ASB5: variants seen among roughly 807,000 people sequenced by gnomAD.
The protein encoded by ASB5 is ankyrin repeat and SOCS box containing 5, also known as ankyrin repeat and SOCS box protein 5.
ASB5 carries 45 observed loss-of-function variants against 42.1 expected under a neutral mutation model. The ratio of observed to expected loss-of-function variants is 1.07; its 90% CI spans 0.84 to 1.37. The LOEUF is 1.37. Among genes scored for constraint, ASB5 ranks in the 40% most tolerant of loss-of-function variants. The probability of loss-of-function intolerance (pLI) is 0.00; values close to 1 mark genes in which losing one functional copy is unlikely to be tolerated. For synonymous variants in ASB5, 147 were observed against 150.6 expected (o/e 0.98, Z 0.18); for missense variants, 402 against 399.8 (o/e 1.01, Z -0.05).
At chr4:176,263,107 T>G (rs1754293866) in intron 1 of ASB5, among the ~76,000 whole-genome samples, 1 of 152,112 alleles carries the variant, frequency 6.6e-6, no homozygotes, top group African/African-American at 2.4e-5. Context: ...GTTCTCACTC[T>G]ATTAGTTTCG....
At chr4:176,229,389 G>A (rs527774259) in intron 1 of ASB5, among the ~76,000 whole-genome samples, 97 of 152,234 alleles carry the variant, frequency 6.4e-4, no homozygotes, top group African/African-American at 2.3e-3. Context: ...GTAGCTGAAG[G>A]GTACTTGATA....
chr4:176,227,564 G>C (rs1488040582), intron 1 of ASB5, among the ~76,000 whole-genome samples: 2 of 152,174 alleles, frequency 1.3e-5, no homozygotes, highest in Non-Finnish European at 2.9e-5. Flanking sequence ...TCCTGCCCTG[G>C]TTGCTGGGCA....
intron 1 of ASB5, among the ~76,000 whole-genome samples, chr4:176,267,353 G>A (rs1465249450): frequency 6.6e-6 from 1 of 152,130 alleles, no homozygotes; most frequent in Non-Finnish European, 1.5e-5. Flanking sequence ...GGCCTGGCAC[G>A]GAGGCTCACA....
At chr4:176,264,517 A>G (rs145661270) in intron 1 of ASB5, among the ~76,000 whole-genome samples, 361 of 152,332 alleles carry the variant, frequency 2.4e-3, no homozygotes, top group Middle Eastern at 0.01. Flanking sequence ...TTAAAAATAT[A>G]AATTGGAATG....
intron 1 of ASB5, among the ~76,000 whole-genome samples, chr4:176,242,849 AT>A (rs1359437762): frequency 3.3e-5 from 5 of 151,912 alleles, no homozygotes; most frequent in African/African-American, 4.8e-5. Flanking sequence ...CTTCCAAATA[AT>A]TTTTTTTCTA....
upstream of ASB5, among the ~76,000 whole-genome samples, chr4:176,271,200 C>T (rs1754462961): frequency 6.6e-6 from 1 of 152,046 alleles, no homozygotes; most frequent in Non-Finnish European, 1.5e-5. Flanking sequence ...TGTTGGTATA[C>T]TCTCCCTCAG....
intron 1 of ASB5, chr4:176,241,529 G>T: frequency 1.3e-6 from 2 of 1,531,950 alleles, no homozygotes; most frequent in East Asian, 2.4e-5. Flanking sequence ...GTTCTCAGAG[G>T]CTGTGCTGCT....
chr4:176,247,149 TC>T lies in ASB5; in HGVS notation c.196+21763del, dbSNP rs567787072. ...AAATTCAACAAATATATGTAAGATC[TC>T]CCCAGGAGACGATAATAAAACATTA... On this transcript the variant is annotated intron_variant, in intron 1 of 6. Coordinates refer to ENST00000296525, the MANE Select transcript of ASB5 (RefSeq NM_080874.4). Among the ~76,000 whole-genome samples the T allele has an allele frequency of 3.2e-4, 48 of 152,156 alleles. No homozygotes were observed. In the South Asian group the frequency reaches 9.8e-3, roughly 31 times the overall value.
intron 1 of ASB5, among the ~76,000 whole-genome samples, chr4:176,232,210 C>T (rs192415327): frequency 1.4e-3 from 217 of 151,614 alleles, no homozygotes; most frequent in African/African-American, 5.0e-3. Context: ...GCAACCTCCA[C>T]CTCCCAGGTT....
At position 176,251,486 on chromosome 4, in the gene ASB5, C is replaced by G. The variant is rs777436866; in HGVS notation, c.196+17427G>C. The stretch of plus-strand genomic sequence containing the variant: ...CTGAGGCAGGAGAATGGCGTGAACC[C>G]GGGAGGCGGAGCTTGCAGTGAGCCG... On this transcript the variant is annotated intron_variant, in intron 1 of 6. Coordinates refer to ENST00000296525, the MANE Select transcript of ASB5 (RefSeq NM_080874.4). Among the ~76,000 whole-genome samples the G allele has an allele frequency of 6.7e-4, 40 of 59,580 alleles. 13 individuals are homozygous for G. The highest frequency in any genetic ancestry group is 2.8e-3 in the East Asian group (8 of 2,902). The allele number at this position is 59,580 out of a possible 152,430, so 39.1% of individuals were successfully genotyped here.
intron 2 of ASB5, 24 bp downstream of exon 2, chr4:176,225,224 GAAAGGGGGTATATT>G: frequency 6.6e-7 from 1 of 1,520,444 alleles, no homozygotes; most frequent in Non-Finnish European, 9.1e-7. Flanking sequence ...TGTGCACATG[GAAAGGGGGTATATT>G]TTAAACTATA....
chr4:176,230,476 T>C (rs1753508088), intron 1 of ASB5, among the ~76,000 whole-genome samples: 2 of 152,162 alleles, frequency 1.3e-5, no homozygotes, highest in Admixed American at 1.3e-4. Flanking sequence ...TGTATACCAC[T>C]CAATGAAAAA....
chr4:176,277,356 C>A (rs1436800125), exon 1 of ASB5: 1 of 152,240 alleles, frequency 6.6e-6, no homozygotes, highest in Non-Finnish European at 1.5e-5. Context: ...GTGGGGATTA[C>A]AGCAGCGAGC....
At chr4:176,248,044 T>C (rs1469019141) in intron 1 of ASB5, among the ~76,000 whole-genome samples, 1 of 152,178 alleles carries the variant, frequency 6.6e-6, no homozygotes, top group Non-Finnish European at 1.5e-5. Flanking sequence ...TCAACAAAAA[T>C]CAAAATGGCA....
intron 5 of ASB5, among the ~76,000 whole-genome samples, chr4:176,219,420 T>C (rs1291296876): frequency 6.2e-4 from 47 of 76,018 alleles, no homozygotes; most frequent in African/African-American, 1.9e-3. Context: ...AATATATATA[T>C]GTATGATATA....
intron 1 of ASB5, among the ~76,000 whole-genome samples, chr4:176,245,249 C>T (rs1289283440): frequency 6.6e-6 from 1 of 152,118 alleles, no homozygotes; most frequent in East Asian, 1.9e-4. Flanking sequence ...TATGAACAGA[C>T]ACTTTTCAAA....
chr4:176,264,056 T>A (rs2126977886), intron 1 of ASB5, among the ~76,000 whole-genome samples: 2 of 150,756 alleles, frequency 1.3e-5, no homozygotes, highest in Admixed American at 6.6e-5. Context: ...AAAAAAAAAA[T>A]TGCATGAGTA....
At chr4:176,235,743 C>T (rs114215161) in intron 1 of ASB5, among the ~76,000 whole-genome samples, 1,754 of 151,980 alleles carry the variant, frequency 0.012, 27 homozygotes, top group African/African-American at 0.041. Context: ...TCATTAACAG[C>T]ACTGGGAAAA....
chr4:176,246,503 T>A (rs1165255625), intron 1 of ASB5, among the ~76,000 whole-genome samples: 4 of 152,238 alleles, frequency 2.6e-5, no homozygotes, highest in Non-Finnish European at 5.9e-5. Context: ...CACACCACAG[T>A]GCAGTTGCTT....
Sources: allele counts gnomAD v4.1 joint callset (sites outside exome capture counted in the v4.1 genomes callset), GRCh38; gene constraint gnomAD v4.1.1; transcripts MANE v1.5; gene names NCBI Gene and HGNC (gene_info 2026-07-23, HGNC 2026-07-21).